The following TRAK1 variants were observed in gnomAD, a reference collection of about 807,000 sequenced individuals.
TRAK1 encodes the protein trafficking kinesin protein 1.
Under a neutral mutation model 92.1 loss-of-function variants are expected in TRAK1, and 33 were observed. The observed-to-expected ratio is 0.36, with a 90% CI of 0.27 to 0.48. TRAK1 has a LOEUF of 0.48. Among genes scored for constraint, TRAK1 ranks in the 20% least tolerant of loss-of-function variants. The pLI is 0.99. For missense variants in TRAK1, 1,123 were observed against 1,257.9 expected, an observed-to-expected ratio of 0.89 and a Z score of 1.62; for synonymous variants, 521 against 517.3, an observed-to-expected ratio of 1.01 and a Z score of -0.10.
At chr3:42,213,357 T>C (rs967722718) in intron 14 of TRAK1, among the ~76,000 whole-genome samples, 14 of 152,188 alleles carry the variant, frequency 9.2e-5, no homozygotes, top group Non-Finnish European at 1.8e-4. Flanking sequence ...ACATCTGGCC[T>C]AGAGCTGAGA....
intron 1 of TRAK1, among the ~76,000 whole-genome samples, chr3:42,124,883 G>A (rs181311030): frequency 6.6e-6 from 1 of 152,186 alleles, no homozygotes; most frequent in Non-Finnish European, 1.5e-5. Context: ...CATGACTCTT[G>A]TGTTCACCAC....
intron 2 of TRAK1, among the ~76,000 whole-genome samples, chr3:42,130,182 G>A (rs1004190534): frequency 2.0e-5 from 3 of 151,952 alleles, no homozygotes; most frequent in East Asian, 3.9e-4. Context: ...ATAGACTTTT[G>A]TAGTCACATA....
At chr3:42,169,656 A>G (rs999961103) in intron 2 of TRAK1, among the ~76,000 whole-genome samples, 3 of 135,958 alleles carry the variant, frequency 2.2e-5, no homozygotes, top group African/African-American at 8.4e-5. Context: ...GAGCAACAAG[A>G]GCAAAACTCC....
chr3:42,155,609 C>A (rs1700447407), intron 2 of TRAK1, among the ~76,000 whole-genome samples: 1 of 152,016 alleles, frequency 6.6e-6, no homozygotes, highest in South Asian at 2.1e-4. Flanking sequence ...GATGTGGAAG[C>A]CAAGAAAATA....
intron 2 of TRAK1, among the ~76,000 whole-genome samples, chr3:42,144,597 G>T (rs1419996808): frequency 6.6e-6 from 1 of 152,158 alleles, no homozygotes; most frequent in African/African-American, 2.4e-5. Flanking sequence ...AATTCATAGT[G>T]CTGTAAGGTA....
intron 2 of TRAK1, among the ~76,000 whole-genome samples, chr3:42,162,537 A>G (rs1031105374): frequency 6.6e-6 from 1 of 152,162 alleles, no homozygotes. Context: ...GATACGTGTG[A>G]CACAGAAGGT....
At position 42,149,210 on chromosome 3, in the gene TRAK1, G is replaced by T. The variant is rs1018956175; in HGVS notation, c.286+23596G>T. ...CTCTGACGTCACCCTCTAGGCGTCTGGATAGGACGATCCTGGCTACTCCCA... is the reference window on the plus strand; with the variant it reads ...CTCTGACGTCACCCTCTAGGCGTCTTGATAGGACGATCCTGGCTACTCCCA... On this transcript the variant is annotated intron_variant, in intron 2 of 15. Coordinates refer to ENST00000327628, the MANE Select transcript of TRAK1 (RefSeq NM_001042646.3). The T allele has an allele frequency of 3.5e-6, 4 of 1,154,220 alleles. No homozygotes were observed. In the African/African-American group the frequency reaches 6.4e-5, roughly 18 times the overall value. The allele number at this position is 1,154,220 out of a possible 1,614,324, so 71.5% of individuals were successfully genotyped here. A position where few individuals can be genotyped will look rare whatever the true frequency, so the allele number is the denominator to read the frequency against.
rs754878388 is a variant in TRAK1 at position 42,223,766 on chromosome 3, G to C, written c.*29G>C. 2.6e-6 allele frequency: 4 copies of C among 1,565,240 alleles called. No individual in the cohort carries two copies. The highest frequency in any genetic ancestry group is 1.2e-5 in the South Asian group (1 of 85,092). On this transcript the variant is annotated 3_prime_UTR_variant, in exon 16 of 16. Coordinates refer to ENST00000327628, the MANE Select transcript of TRAK1 (RefSeq NM_001042646.3). The surrounding 1 kb of genome is among the most constrained non-coding windows in gnomAD (Gnocchi z 6.1). ...CTGGAGGGGGGCCGGTTGCCCTAGAGGAGACCCACGTTCTCCTCTCTTGCT... is the reference window on the plus strand; with the variant it reads ...CTGGAGGGGGGCCGGTTGCCCTAGACGAGACCCACGTTCTCCTCTCTTGCT...
At chr3:42,175,056 T>C (rs994252416) in intron 2 of TRAK1, among the ~76,000 whole-genome samples, 7 of 152,152 alleles carry the variant, frequency 4.6e-5, no homozygotes, top group Non-Finnish European at 1.0e-4. Flanking sequence ...AGTTAAAAGG[T>C]AGCCCAGTTT....
intron 3 of TRAK1, among the ~76,000 whole-genome samples, chr3:42,177,390 C>T (rs984049857): frequency 1.3e-5 from 2 of 152,102 alleles, no homozygotes; most frequent in African/African-American, 4.8e-5. Context: ...TTCTGAATTT[C>T]TCGGTATTCT....
chr3:42,203,201 A>ATTT, intron 13 of TRAK1: 1 of 1,072,352 alleles, frequency 9.3e-7, no homozygotes, highest in East Asian at 6.5e-5. Flanking sequence ...TTAAATGGGG[A>ATTT]TTTTTTTTTC....
At position 42,073,028 on chromosome 3, in the gene TRAK1, T is replaced by C. The variant is rs1264313808; in HGVS notation, c.-518-14076T>C. ...GTGTGTTCGTGGGCCTGAGTGTATA[T>C]GAAATGAGAGCAAGAGAGGACAGAC... On this transcript the variant is annotated intron_variant, in intron 1 of 16. Coordinates refer to the TRAK1 transcript ENST00000487159. 2.6e-5 allele frequency among the ~76,000 whole-genome samples: 4 copies of C among 152,172 alleles called. No individual in the cohort carries two copies. In the East Asian group the frequency reaches 7.7e-4, roughly 29 times the overall value.
chr3:42,203,310 G>C, intron 13 of TRAK1: 3 of 990,206 alleles, frequency 3.0e-6, no homozygotes, highest in African/African-American at 3.5e-5. Context: ...TGTTCTGAGC[G>C]CGGCTCCTAG....
At chr3:42,149,527 C>T (rs1699715498) in intron 2 of TRAK1, 1 of 1,536,140 alleles carries the variant, frequency 6.5e-7, no homozygotes, top group Non-Finnish European at 8.7e-7. Flanking sequence ...CTCTGCAAGA[C>T]TACTGACTAT....
intron 1 of TRAK1, among the ~76,000 whole-genome samples, chr3:42,030,867 T>A (rs1702116480): frequency 6.6e-6 from 1 of 151,412 alleles, no homozygotes; most frequent in South Asian, 2.1e-4. Context: ...AATGTTCTTT[T>A]ATTTTGTAGC....
intron 2 of TRAK1, among the ~76,000 whole-genome samples, chr3:42,157,232 G>T (rs933707402): frequency 1.3e-5 from 2 of 151,772 alleles, no homozygotes; most frequent in Admixed American, 6.6e-5. Flanking sequence ...GCTGAAGTGG[G>T]TGGATTGCTT....
chr3:42,040,620 C>T (rs1453047009), intron 1 of TRAK1, among the ~76,000 whole-genome samples: 1 of 150,970 alleles, frequency 6.6e-6, no homozygotes, highest in Non-Finnish European at 1.5e-5. Flanking sequence ...TATCTGGGCT[C>T]TTATTTCTGG....
intron 2 of TRAK1, among the ~76,000 whole-genome samples, chr3:42,142,284 G>C (rs9852262): frequency 0.49 from 75,109 of 152,078 alleles, 18,875 homozygotes; most frequent in South Asian, 0.65. Flanking sequence ...TATCTTTGGC[G>C]ACTTGTGGTT....
intron 1 of TRAK1, among the ~76,000 whole-genome samples, chr3:42,033,601 A>G (rs192004443): frequency 1.4e-4 from 21 of 152,018 alleles, no homozygotes; most frequent in Admixed American, 1.2e-3. Context: ...CAATCAATCA[A>G]TCAATAATCT....
Sources: allele counts gnomAD v4.1 joint callset (sites outside exome capture counted in the v4.1 genomes callset), GRCh38; gene constraint gnomAD v4.1.1; non-coding constraint Gnocchi (gnomAD v3.1); transcripts MANE v1.5; gene names NCBI Gene and HGNC (gene_info 2026-07-23, HGNC 2026-07-21).